The following PAM16 variants were observed in gnomAD, a reference collection of about 807,000 sequenced individuals.
PAM16 encodes the protein mitochondrial import inner membrane translocase subunit TIM16.
PAM16 carries 11 observed loss-of-function variants against 17.9 expected under a neutral mutation model. The observed-to-expected ratio is 0.62, with a 90% CI of 0.39 to 1.02. PAM16 has a LOEUF of 1.02. Among genes scored for constraint, PAM16 ranks in the 50% least tolerant of loss-of-function variants. The pLI, the probability that PAM16 is intolerant of heterozygous loss-of-function variation, is 0.01. For missense variants in PAM16, 199 were observed against 165.4 expected, an observed-to-expected ratio of 1.20 and a Z score of -1.11; for synonymous variants, 72 against 67.4, an observed-to-expected ratio of 1.07 and a Z score of -0.34.
At chr16:4,350,310 G>A (rs1015710920) in intron 1 of PAM16, among the ~76,000 whole-genome samples, 29 of 147,820 alleles carry the variant, frequency 2.0e-4, no homozygotes, top group Middle Eastern at 3.5e-3. Flanking sequence ...GTGTGTGTGT[G>A]TATATATATA....
At chr16:4,350,273 C>A (rs190540485) in intron 1 of PAM16, among the ~76,000 whole-genome samples, 386 of 150,404 alleles carry the variant, frequency 2.6e-3, no homozygotes, top group Non-Finnish European at 3.7e-3. Flanking sequence ...TGCCACCATG[C>A]CTGGCTAACA....
At position 4,351,280 on chromosome 16, in the gene PAM16, C is replaced by A. The variant is rs769720091; in HGVS notation, c.-46G>T. On this transcript the variant is annotated 5_prime_UTR_variant, in exon 1 of 5. Coordinates refer to ENST00000318059, the MANE Select transcript of PAM16 (RefSeq NM_016069.11). ...GGCTCAAACTCCGACTTCCTGGCCC[C>A]GCGGCCGGGGATCAAGCGTGGTCGG... is the stretch of plus-strand genomic sequence containing the variant. 1.4e-6 allele frequency: 2 copies of A among 1,445,426 alleles called. No homozygotes were observed. Among genetic ancestry groups the A allele is most frequent in the South Asian group, 1.5e-5 (1 of 67,634 alleles). The allele number at this position is 1,445,426 out of a possible 1,614,324, so 89.5% of individuals were successfully genotyped here.
At position 4,346,091 on chromosome 16, in the gene PAM16, G is replaced by A. The variant is rs1262975275; in HGVS notation, c.4-2800C>T. The A allele has an allele frequency of 1.8e-5, 9 of 493,720 alleles. No individual in the cohort carries two copies. In the Admixed American group the frequency reaches 3.8e-4, roughly 21 times the overall value. 30.6% of individuals were successfully genotyped at this position (493,720 alleles called of 1,614,324 possible). ...TCCCCTGCACACTTCAAACCAAAGC[G>A]GCGTGGTGGCCTGTGGCTTCAGCTG... is the stretch of plus-strand genomic sequence containing the variant. On this transcript the variant is annotated intron_variant, in intron 1 of 4. Transcript: ENST00000318059.
rs749661777 is a variant in PAM16, at chr16:4,340,382, C to T, written c.315G>A (p.Leu105=). 3.1e-6 allele frequency: 5 copies of T among 1,612,772 alleles called. No individual in the cohort carries two copies. The South Asian group carries it at 4.4e-5, about 14-fold the overall frequency. The change falls in exon 5 of 5, where the codon CTG becomes CTA. Residue 105 remains leucine (L), a synonymous_variant. Transcript: ENST00000318059. ...QSKVVRAKER[L]DEELKIQAQE... Reference sequence around the variant, plus strand: ...GGGCCTGGATTTTGAGTTCCTCATCCAGGCGCTCCTTTGCGCGGACCACCT... The same window carrying T: ...GGGCCTGGATTTTGAGTTCCTCATCTAGGCGCTCCTTTGCGCGGACCACCT...
At chr16:4,350,129 CTTTT>C (rs2053825748) in intron 1 of PAM16, among the ~76,000 whole-genome samples, 2 of 151,346 alleles carry the variant, frequency 1.3e-5, no homozygotes, top group Admixed American at 6.6e-5. Flanking sequence ...CCCTCTTTTT[CTTTT>C]TGAGAGAGTT....
intron 1 of PAM16, 147 bp downstream of exon 1, chr16:4,351,085 C>T (rs1039435969): frequency 1.8e-5 from 7 of 383,452 alleles, no homozygotes; most frequent in East Asian, 8.7e-5. Context: ...TCGATTCCCC[C>T]GGGTGCAACG....
chr16:4,345,343 C>T (rs1316098258), intron 1 of PAM16: 1 of 152,188 alleles, frequency 6.6e-6, no homozygotes, highest in Non-Finnish European at 1.5e-5. Context: ...GGACTGCTGA[C>T]TGGCCCGAGG....
rs2053620870 is a variant in PAM16, at chr16:4,340,276, C to G, written c.*43G>C. The G allele has an allele frequency of 6.4e-7, 1 of 1,564,684 alleles. No homozygotes were observed. The highest frequency in any genetic ancestry group is 2.3e-5 in the East Asian group (1 of 44,036). On this transcript the variant is annotated 3_prime_UTR_variant, in exon 5 of 5. Coordinates refer to ENST00000318059, the MANE Select transcript of PAM16 (RefSeq NM_016069.11). The stretch of plus-strand genomic sequence containing the variant: ...TGCAGAAAAGAAATTTATTACCAAG[C>G]TATAAATTAGAGGCGGCGGGGTGGG...
chr16:4,341,025 C>T lies in PAM16; in HGVS notation c.226-40G>A, dbSNP rs751962838. 4 of 1,611,284 alleles carry T rather than the reference C, an allele frequency of 2.5e-6. No individual in the cohort carries two copies. The South Asian group carries it at 3.3e-5, about 13-fold the overall frequency. On this transcript the variant is annotated intron_variant, in intron 3 of 4. Transcript: ENST00000318059. ...GGACGGGTGAGAGGGCTGCAGACTG[C>T]AGGCAAGAGATGTTGGGCAGGCTAT...
In PAM16 at chr16:4,343,228, C is replaced by A. The variant is rs767056102; in HGVS notation, c.67G>T (p.Ala23Ser). 1 of 1,612,790 alleles carries A rather than the reference C, an allele frequency of 6.2e-7. No homozygotes were observed. The highest frequency in any genetic ancestry group is 1.1e-5 in the South Asian group (1 of 91,086). The change falls in exon 2 of 5, where the codon GCC (alanine) becomes TCC (serine). Residue 23 changes from alanine to serine, a missense_variant. Coordinates refer to ENST00000318059, the MANE Select transcript of PAM16 (RefSeq NM_016069.11). ...VQVVGRAFAR[A>S]LRQEFAASRA... ...TTACCTGCAAACTCCTGCCGCAAGG[C>A]CCGTGCAAAGGCCCTGCCCACCACC...
intron 1 of PAM16, chr16:4,345,809 C>T (rs1271982121): frequency 1.0e-6 from 1 of 984,148 alleles, no homozygotes. Flanking sequence ...CTTCCTAAAG[C>T]CCCTCCCGAG....
intron 3 of PAM16, 85 bp from the exon 4 acceptor site, chr16:4,341,070 G>T: frequency 6.6e-7 from 1 of 1,519,556 alleles, no homozygotes; most frequent in Non-Finnish European, 9.1e-7. Context: ...CGTGAGAGAG[G>T]CAACAGGACT....
intron 1 of PAM16, among the ~76,000 whole-genome samples, chr16:4,350,529 T>G (rs2053834737): frequency 6.6e-6 from 1 of 151,630 alleles, no homozygotes; most frequent in African/African-American, 2.4e-5. Context: ...GCCTCCCGGG[T>G]AGCTTGGACT....
Position 4,341,043 on chromosome 16 carries a change from C to T in PAM16, c.226-58G>A. On this transcript the variant is annotated intron_variant, in intron 3 of 4. Transcript: ENST00000318059. Reference sequence around the variant, plus strand: ...CAGACTGCAGGCAAGAGATGTTGGGCAGGCTATGTGGGGCCACGTGAGAGA... The same window carrying T: ...CAGACTGCAGGCAAGAGATGTTGGGTAGGCTATGTGGGGCCACGTGAGAGA... The T allele has an allele frequency of 2.5e-6, 4 of 1,605,896 alleles. No homozygotes were observed. The South Asian group carries it at 3.3e-5, about 13-fold the overall frequency.
intron 1 of PAM16, among the ~76,000 whole-genome samples, chr16:4,344,946 T>C (rs142527716): frequency 3.0e-4 from 46 of 151,974 alleles, no homozygotes; most frequent in African/African-American, 1.1e-3. Flanking sequence ...AGGGACTGGG[T>C]TGAGCCAAAA....
At chr16:4,348,869 C>T (rs1035430675) in intron 1 of PAM16, among the ~76,000 whole-genome samples, 3 of 151,394 alleles carry the variant, frequency 2.0e-5, no homozygotes, top group Admixed American at 6.6e-5. Flanking sequence ...GTTGCCCAGG[C>T]TGGTCTCGAA....
chr16:4,351,203 TC>T, intron 1 of PAM16, 28 bp downstream of exon 1: 4 of 1,357,450 alleles, frequency 2.9e-6, no homozygotes, highest in Admixed American at 2.5e-5. Flanking sequence ...CGGCTTCCCC[TC>T]CCCGGTAGCG....
In PAM16 at chr16:4,341,462, C is replaced by T. The variant is rs144614425; in HGVS notation, c.131G>A (p.Arg44Gln). 0.023 allele frequency: 37,587 copies of T among 1,609,738 alleles called. 537 individuals carry two copies. The highest frequency in any genetic ancestry group is 0.027 in the Non-Finnish European group (31,931 of 1,178,936). ...AADARGRAGH[R>Q]SAAASNLSGL... is the part of the protein sequence containing the mutation. ...GGAGAGGTTGGAAGCGGCTGCAGAC[C>T]GGTGTCCAGCGCGTCCTCGGGCATC... Residue 44 changes from arginine to glutamine, a missense_variant, in exon 3 of 5, where the codon CGG becomes CAG. Transcript: ENST00000318059.
chr16:4,340,469 G>A, intron 4 of PAM16, 64 bp from the exon 5 acceptor site: 1 of 1,565,050 alleles, frequency 6.4e-7, no homozygotes, highest in Non-Finnish European at 8.7e-7. Context: ...TTGCCCACAT[G>A]GGATGGCCTA....
Sources: allele counts gnomAD v4.1 joint callset (sites outside exome capture counted in the v4.1 genomes callset), GRCh38; gene constraint gnomAD v4.1.1; transcripts MANE v1.5; gene names NCBI Gene and HGNC (gene_info 2026-07-23, HGNC 2026-07-21).